The following AHR variants were observed in gnomAD, a reference collection of about 807,000 sequenced individuals.
AHR encodes AH-receptor.
A neutral mutation model predicts 86.8 loss-of-function variants in AHR; 40 were observed. The ratio of observed to expected loss-of-function variants is 0.46; its 90% CI spans 0.36 to 0.60. The LOEUF is 0.60. AHR is among the 20% of genes least tolerant of loss of function. AHR has a pLI of 0.00. For missense variants in AHR, 1,001 were observed against 1,011.6 expected (o/e 0.99, Z 0.14); for synonymous variants, 398 against 354.9 (o/e 1.12, Z -1.37).
intron 7 of AHR, 151 bp from the exon 8 acceptor site, chr7:17,334,736 G>A (rs935503094): frequency 3.5e-6 from 2 of 571,492 alleles, no homozygotes; most frequent in Admixed American, 6.7e-5. Context: ...TTACATGGAT[G>A]TGTTTAATTT....
intron 2 of AHR, among the ~76,000 whole-genome samples, chr7:17,319,385 CTAA>C (rs1228606594): frequency 6.6e-6 from 1 of 152,020 alleles, no homozygotes; most frequent in South Asian, 2.1e-4. Context: ...TGGGCGGTGG[CTAA>C]TAATAGCTCA....
intron 7 of AHR, 95 bp from the exon 8 acceptor site, chr7:17,334,792 C>A: frequency 1.2e-6 from 1 of 811,208 alleles, no homozygotes; most frequent in Non-Finnish European, 1.9e-6. Context: ...AAACATATTG[C>A]AGAAACTAGC....
chr7:17,343,085 C>T lies in AHR; in HGVS notation c.*21C>T, dbSNP rs1170978144. On this transcript the variant is annotated 3_prime_UTR_variant, in exon 11 of 11. Transcript: ENST00000242057. ...TGTAATTCCAAGCCCAATTTTGACC[C>T]TGGTTTTTGGATTAAATTAGTTTGT... The T allele has an allele frequency of 6.2e-7, 1 of 1,612,542 alleles. No individual in the cohort carries two copies. Among genetic ancestry groups the T allele is most frequent in the Admixed American group, 1.7e-5 (1 of 59,838 alleles).
chr7:17,320,216 C>G (rs985375645), intron 2 of AHR, among the ~76,000 whole-genome samples: 1 of 151,928 alleles, frequency 6.6e-6, no homozygotes, highest in African/African-American at 2.4e-5. Flanking sequence ...ACATTGTTTT[C>G]TAGTTATTTC....
chr7:17,323,136 C>T (rs945247888), intron 3 of AHR, among the ~76,000 whole-genome samples: 4 of 151,994 alleles, frequency 2.6e-5, no homozygotes, highest in Admixed American at 6.6e-5. Context: ...GTTAGAAGAC[C>T]GGTCAACCCC....
At chr7:17,303,709 C>T (rs1562473171) in intron 1 of AHR, among the ~76,000 whole-genome samples, 1 of 151,900 alleles carries the variant, frequency 6.6e-6, no homozygotes, top group Non-Finnish European at 1.5e-5. Flanking sequence ...AGAGAATACC[C>T]TTGGGACGTG....
At position 17,344,629 on chromosome 7, in the gene AHR, C is replaced by CTTTTTTTT. The variant is rs755565130; in HGVS notation, c.*1576_*1583dup. On this transcript the variant is annotated 3_prime_UTR_variant, in exon 11 of 11. Coordinates refer to ENST00000242057, the MANE Select transcript of AHR (RefSeq NM_001621.5). ...AGAAAAAATGACACCATCTTTTATT[C>CTTTTTTTT]TTTTTTTTTTTTTTTTTTGAGAGAG... 4 of 126,916 alleles carry CTTTTTTTT rather than the reference C, an allele frequency of 3.2e-5. No homozygotes were observed. The highest frequency in any genetic ancestry group is 3.4e-5 in the Non-Finnish European group (2 of 58,250). The allele number at this position is 126,916 out of a possible 1,614,324, so 7.9% of individuals were successfully genotyped here.
At chr7:17,333,615 G>A (rs1455196059) in intron 6 of AHR, among the ~76,000 whole-genome samples, 1 of 151,936 alleles carries the variant, frequency 6.6e-6, no homozygotes, top group Non-Finnish European at 1.5e-5. Context: ...GCTGTGTGAG[G>A]TGAAAATGAT....
intron 1 of AHR, among the ~76,000 whole-genome samples, chr7:17,306,287 T>A (rs894331380): frequency 6.6e-6 from 1 of 152,202 alleles, no homozygotes; most frequent in African/African-American, 2.4e-5. Context: ...TCTGTATATC[T>A]TCAAGATGTA....
chr7:17,317,514 T>G (rs1782128553), intron 2 of AHR, among the ~76,000 whole-genome samples: 1 of 152,182 alleles, frequency 6.6e-6, no homozygotes, highest in Admixed American at 6.6e-5. Context: ...ATAACTGTGC[T>G]GAACAGCATG....
rs768198558 is a variant in AHR, at chr7:17,342,921, T to G, written c.2404T>G (p.Phe802Val). The G allele has an allele frequency of 5.2e-5, 84 of 1,611,472 alleles. 2 individuals are homozygous for G. The highest frequency in any genetic ancestry group is 1.2e-5 in the Non-Finnish European group (14 of 1,178,816). The stretch of plus-strand genomic sequence containing the variant: ...GTTGCATCACCATTTTTGTTTTCAG[T>G]TTCAGAATGGAGTTTTAAATGAAAC... Reference protein sequence around the residue: ...LPGQQAFLNKFQNGVLNETYP... With the variant: ...LPGQQAFLNKVQNGVLNETYP... Residue 802 changes from phenylalanine (F) to valine (V), a missense_variant and splice_region_variant, in exon 11 of 11, where the codon TTT becomes GTT. Phe to Val is a conservative substitution (Grantham distance 50, BLOSUM62 -1). Coordinates refer to ENST00000242057, the MANE Select transcript of AHR (RefSeq NM_001621.5).
chr7:17,335,590 T>A, intron 8 of AHR, 55 bp from the exon 9 acceptor site: 1 of 1,432,800 alleles, frequency 7.0e-7, no homozygotes, highest in Non-Finnish European at 9.4e-7. Context: ...TTAGGAATAA[T>A]CTTTACTATA....
rs770894231 is a variant in AHR, at chr7:17,333,919, A to C, written c.713A>C (p.Asn238Thr). 4 of 1,612,344 alleles carry C rather than the reference A, an allele frequency of 2.5e-6. No individual in the cohort carries two copies. Among genetic ancestry groups the C allele is most frequent in the African/African-American group, 1.3e-5 (1 of 74,838 alleles). The change falls in exon 7 of 11, where the codon AAT becomes ACT. Residue 238 changes from asparagine (N) to threonine (T), a missense_variant. By Grantham distance (65) the Asn-to-Thr change is moderately conservative. Coordinates refer to ENST00000242057, the MANE Select transcript of AHR (RefSeq NM_001621.5). ...TGTTGTTGCTTTTTTAAGGCAATGA[A>C]TTTCCAAGGGAAGTTAAAGTATCTT... ...LDNSSGFLAM[N>T]FQGKLKYLHG...
chr7:17,327,957 G>C (rs1782246580), intron 4 of AHR, 109 bp downstream of exon 4: 1 of 328,422 alleles, frequency 3.0e-6, no homozygotes, highest in Non-Finnish European at 5.1e-6. Flanking sequence ...ATATGCTGTA[G>C]AATACAGTAT....
At chr7:17,330,988 C>T (rs1351855644) in intron 6 of AHR, 102 bp downstream of exon 6, 3 of 1,252,734 alleles carry the variant, frequency 2.4e-6, no homozygotes, top group African/African-American at 3.0e-5. Flanking sequence ...GAACTATTCC[C>T]AAATCAGGCA....
chr7:17,336,892 A>G (rs1562481672), intron 9 of AHR, among the ~76,000 whole-genome samples: 1 of 151,908 alleles, frequency 6.6e-6, no homozygotes, highest in Admixed American at 6.6e-5. Context: ...TTTGTTTTCA[A>G]TTTTAATTAT....
At chr7:17,308,698 TAAACACAC>T (rs1400909585) in intron 1 of AHR, among the ~76,000 whole-genome samples, 1 of 149,302 alleles carries the variant, frequency 6.7e-6, no homozygotes, top group Non-Finnish European at 1.5e-5. Context: ...GATACATACA[TAAACACAC>T]ACACACACAC....
intron 10 of AHR, among the ~76,000 whole-genome samples, chr7:17,342,231 A>G (rs1486741318): frequency 6.6e-6 from 1 of 152,148 alleles, no homozygotes. Context: ...AGAGCTATAC[A>G]TCTTCATGTC....
chr7:17,338,583 T>C (rs879262116), intron 9 of AHR, among the ~76,000 whole-genome samples: 2 of 152,164 alleles, frequency 1.3e-5, no homozygotes, highest in African/African-American at 4.8e-5. Context: ...CTCAAAATCC[T>C]GGGCTCAAGC....
Sources: gnomAD v4.1 joint callset for allele counts (sites outside exome capture counted in the v4.1 genomes callset) on GRCh38, gnomAD v4.1.1 for gene constraint, MANE v1.5 for transcripts, NCBI Gene and HGNC (gene_info 2026-07-23, HGNC 2026-07-21) for gene names.